Variants in CFAP97D2 observed in about 807,000 individuals in gnomAD.
The protein encoded by CFAP97D2 is CFAP97 domain containing 2.
At position 114,187,139 on chromosome 13, in the gene CFAP97D2, T is replaced by C. The variant is rs952364261; in HGVS notation, c.90+7719T>C. 1.3e-5 allele frequency among the ~76,000 whole-genome samples: 2 copies of C among 152,230 alleles called. No homozygotes were observed. Among genetic ancestry groups the C allele is most frequent in the Non-Finnish European group, 1.5e-5 (1 of 68,040 alleles). ...GACTTGAGTTATTTGTAAGTACATA[T>C]TGCAAATCCTAGGGCAGCCATTAAA... On this transcript the variant is annotated intron_variant, in intron 1 of 4. Transcript: ENST00000646158. The surrounding 1 kb of genome is among the most constrained non-coding windows in gnomAD (Gnocchi z 4.2).
At chr13:114,198,423 G>A (rs1208418463) in intron 2 of CFAP97D2, among the ~76,000 whole-genome samples, 2 of 152,136 alleles carry the variant, frequency 1.3e-5, no homozygotes, top group Admixed American at 6.5e-5. Flanking sequence ...CTTTTCCTCT[G>A]GGCTCAAATA....
rs1416350856 is a variant in CFAP97D2, at chr13:114,185,893, CT to C, written c.90+6474del. The stretch of plus-strand genomic sequence containing the variant: ...TGAACAGCAACAGGAGGCAGACGGA[CT>C]CCTGGGCAGAAGGGGTCAGGTTCCT... On this transcript the variant is annotated intron_variant, in intron 1 of 4. Coordinates refer to ENST00000646158, the Ensembl canonical transcript of CFAP97D2. This position sits in a 1 kb window ranked among gnomAD's most constrained non-coding sequence, Gnocchi z 5.2. Among the ~76,000 whole-genome samples, 10 of 152,358 alleles carry C rather than the reference CT, an allele frequency of 6.6e-5. No homozygotes were observed. Among genetic ancestry groups the C allele is most frequent in the Non-Finnish European group, 1.3e-4 (9 of 68,026 alleles).
upstream of CFAP97D2, chr13:114,179,307 G>A (rs993095594): frequency 2.0e-5 from 8 of 398,620 alleles, no homozygotes; most frequent in Non-Finnish European, 3.1e-5. This position sits in a 1 kb window ranked among gnomAD's most constrained non-coding sequence, Gnocchi z 4.8. Context: ...TGTCTGGAAT[G>A]AGCAAGACGA....
chr13:114,197,846 T>G (rs12584627), intron 2 of CFAP97D2, among the ~76,000 whole-genome samples: 1,736 of 152,086 alleles, frequency 0.011, 95 homozygotes, highest in Admixed American at 0.08. Context: ...CATCAAGCCC[T>G]GCTAATTTTC....
rs2080928508 is a variant in CFAP97D2, at chr13:114,203,794, T to TC, written c.290+3354dup. On this transcript the variant is annotated intron_variant, in intron 3 of 4. Transcript: ENST00000646158. The surrounding 1 kb of genome is among the most constrained non-coding windows in gnomAD (Gnocchi z 4.3). Reference sequence around the variant, plus strand: ...TGTGCAGACAAGGCCCTGGGCAGGTTCCCTCATCTGCACAAAAGCATCTGG... The same window carrying TC: ...TGTGCAGACAAGGCCCTGGGCAGGTTCCCCTCATCTGCACAAAAGCATCTGG... Among the ~76,000 whole-genome samples, 1 of 152,178 alleles carries TC rather than the reference T, an allele frequency of 6.6e-6. No homozygotes were observed. The highest frequency in any genetic ancestry group is 1.5e-5 in the Non-Finnish European group (1 of 68,044).
intron 1 of CFAP97D2, among the ~76,000 whole-genome samples, chr13:114,194,867 T>C (rs2080880464): frequency 6.6e-6 from 1 of 152,214 alleles, no homozygotes; most frequent in African/African-American, 2.4e-5. Flanking sequence ...CTCAAATCTT[T>C]ATCTGGAGCT....
chr13:114,222,566 A>T (rs2081026174), downstream of CFAP97D2: 3 of 380,380 alleles, frequency 7.9e-6, no homozygotes, highest in Non-Finnish European at 1.4e-5. The surrounding 1 kb of genome is among the most constrained non-coding windows in gnomAD (Gnocchi z 4.4). Context: ...GAGGAAGGGT[A>T]AGGATTCAGA....
chr13:114,188,271 CAAAAA>C (rs35727895), intron 1 of CFAP97D2, among the ~76,000 whole-genome samples: 2 of 84,588 alleles, frequency 2.4e-5, no homozygotes, highest in Admixed American at 1.1e-4. Flanking sequence ...GACCCTGTCT[CAAAAA>C]AAAAAAAAAA....
At position 114,187,782 on chromosome 13, in the gene CFAP97D2, A is replaced by C. The variant is rs1472965372; in HGVS notation, c.90+8362A>C. Among the ~76,000 whole-genome samples, 3 of 152,214 alleles carry C rather than the reference A, an allele frequency of 2.0e-5. No individual in the cohort carries two copies. Among genetic ancestry groups the C allele is most frequent in the African/African-American group, 7.2e-5 (3 of 41,458 alleles). ...TATCTATCATCCAATTCATCCAGCAACAGGATAATACTCATTCTTCTCAAG... is the reference window on the plus strand; with the variant it reads ...TATCTATCATCCAATTCATCCAGCACCAGGATAATACTCATTCTTCTCAAG... On this transcript the variant is annotated intron_variant, in intron 1 of 4. Transcript: ENST00000646158. This position sits in a 1 kb window ranked among gnomAD's most constrained non-coding sequence, Gnocchi z 4.2.
At chr13:114,200,696 C>T (rs1457414145) in intron 3 of CFAP97D2, among the ~76,000 whole-genome samples, 1 of 152,250 alleles carries the variant, frequency 6.6e-6, no homozygotes, top group Admixed American at 6.5e-5. Flanking sequence ...TGCCCGTGTG[C>T]CAGACACTCC....
intron 1 of CFAP97D2, among the ~76,000 whole-genome samples, chr13:114,191,858 A>C (rs142291274): frequency 6.3e-4 from 96 of 152,310 alleles, no homozygotes; most frequent in Middle Eastern, 3.4e-3. Flanking sequence ...TGGATAAATA[A>C]ACCACGGTAC....
chr13:114,210,516 T>C (rs755560106), intron 3 of CFAP97D2, among the ~76,000 whole-genome samples: 2 of 152,202 alleles, frequency 1.3e-5, no homozygotes, highest in Non-Finnish European at 2.9e-5. Flanking sequence ...AATTCACTCC[T>C]GACTTTCTGC....
At chr13:114,221,620 C>A (rs946735343) in intron 4 of CFAP97D2, among the ~76,000 whole-genome samples, 3 of 152,066 alleles carry the variant, frequency 2.0e-5, no homozygotes, top group Non-Finnish European at 4.4e-5. Context: ...AACTGGAACC[C>A]TCATAGGCTG....
intron 2 of CFAP97D2, among the ~76,000 whole-genome samples, chr13:114,197,037 A>T (rs962858224): frequency 2.0e-5 from 3 of 152,114 alleles, no homozygotes; most frequent in Non-Finnish European, 4.4e-5. Context: ...GGTTGTGGAG[A>T]CCGAAATTCT....
chr13:114,181,964 G>A (rs908081947), intron 1 of CFAP97D2, among the ~76,000 whole-genome samples: 1 of 152,128 alleles, frequency 6.6e-6, no homozygotes, highest in African/African-American at 2.4e-5. Context: ...CGGGTGGGAC[G>A]AGAGACTGAG....
Position 114,189,400 on chromosome 13 carries a change from A to G in CFAP97D2, c.91-6996A>G, listed in dbSNP as rs925168656. On this transcript the variant is annotated intron_variant, in intron 1 of 4. Coordinates refer to ENST00000646158, the Ensembl canonical transcript of CFAP97D2. The surrounding 1 kb of genome is among the most constrained non-coding windows in gnomAD (Gnocchi z 4.5). ...TGGGTTCATTGGCAAATTCTATTAA[A>G]CATTTAAGGAAGAAATTTTACCTAT... Among the ~76,000 whole-genome samples, 5 of 152,208 alleles carry G rather than the reference A, an allele frequency of 3.3e-5. No homozygotes were observed. The highest frequency in any genetic ancestry group is 2.6e-4 in the Admixed American group (4 of 15,284).
Position 114,198,689 on chromosome 13 carries a change from C to T in CFAP97D2, c.172-1636C>T, listed in dbSNP as rs185996009. Among the ~76,000 whole-genome samples, 5 of 109,036 alleles carry T rather than the reference C, an allele frequency of 4.6e-5. 1 individual carries two copies. Among genetic ancestry groups the T allele is most frequent in the African/African-American group, 1.2e-4 (3 of 26,020 alleles). 71.5% of individuals were successfully genotyped at this position (109,036 alleles called of 152,430 possible). A position where few individuals can be genotyped will look rare whatever the true frequency, so the allele number is the denominator to read the frequency against. On this transcript the variant is annotated intron_variant, in intron 2 of 4. Coordinates refer to ENST00000646158, the Ensembl canonical transcript of CFAP97D2. Reference sequence around the variant, plus strand: ...CCGCTGAGGCGTGACAGTGGGTCCCCGTGCGTACGGTCCCCGCTGAGGGGT... The same window carrying T: ...CCGCTGAGGCGTGACAGTGGGTCCCTGTGCGTACGGTCCCCGCTGAGGGGT...
downstream of CFAP97D2, chr13:114,222,818 G>T: frequency 3.0e-6 from 1 of 338,840 alleles, no homozygotes. The surrounding 1 kb of genome is among the most constrained non-coding windows in gnomAD (Gnocchi z 4.4). Context: ...CAATGTGCCC[G>T]AGCAGATGAC....
rs1475105520 is a variant in CFAP97D2, at chr13:114,222,096, A to T, written c.481-402A>T. Among the ~76,000 whole-genome samples, 3 of 152,382 alleles carry T rather than the reference A, an allele frequency of 2.0e-5. No homozygotes were observed. The East Asian group carries it at 5.8e-4, about 29-fold the overall frequency. On this transcript the variant is annotated intron_variant, in intron 4 of 4. Coordinates refer to ENST00000646158, the Ensembl canonical transcript of CFAP97D2. This position sits in a 1 kb window ranked among gnomAD's most constrained non-coding sequence, Gnocchi z 4.4. ...TTATTATGTTCCGTGAAAAAGCTGGATACTAAATGCCGCATGTTGTCTGAT... is the reference window on the plus strand; with the variant it reads ...TTATTATGTTCCGTGAAAAAGCTGGTTACTAAATGCCGCATGTTGTCTGAT...
Sources: allele counts gnomAD v4.1 joint callset (sites outside exome capture counted in the v4.1 genomes callset), GRCh38; gene constraint gnomAD v4.1.1; non-coding constraint Gnocchi (gnomAD v3.1); transcripts MANE v1.5; gene names NCBI Gene and HGNC (gene_info 2026-07-23, HGNC 2026-07-21).